Variants in CADPS2 observed in about 807,000 individuals in gnomAD.
CADPS2 encodes the protein calcium dependent secretion activator 2.
Under a neutral mutation model 172.5 loss-of-function variants are expected in CADPS2, and 93 were observed. The observed-to-expected ratio is 0.54, with a 90% CI of 0.46 to 0.64. The LOEUF (loss-of-function observed/expected upper bound fraction) is 0.64. Among genes scored for constraint, CADPS2 ranks in the 30% least tolerant of loss-of-function variants. CADPS2 has a pLI of 0.00. For missense variants in CADPS2, 1,420 were observed against 1,565.9 expected (o/e 0.91, Z 1.57); for synonymous variants, 546 against 555.2 (o/e 0.98, Z 0.23).
At chr7:122,412,100 C>T (rs1000535026) in intron 19 of CADPS2, among the ~76,000 whole-genome samples, 2 of 152,210 alleles carry the variant, frequency 1.3e-5, no homozygotes, top group South Asian at 2.1e-4. Context: ...TACACCTGAG[C>T]TGTATGCAAG....
chr7:122,577,915 T>A (rs972083588), intron 7 of CADPS2, among the ~76,000 whole-genome samples: 4 of 152,004 alleles, frequency 2.6e-5, no homozygotes, highest in African/African-American at 9.7e-5. Context: ...TTTTCAAATT[T>A]AAATGCTACC....
chr7:122,379,931 C>T (rs1043232908), intron 24 of CADPS2, among the ~76,000 whole-genome samples: 1 of 152,104 alleles, frequency 6.6e-6, no homozygotes, highest in Admixed American at 6.5e-5. Context: ...TTTGTCAGCA[C>T]AGGGAGCAGC....
intron 2 of CADPS2, among the ~76,000 whole-genome samples, chr7:122,707,679 G>A (rs1256654492): frequency 6.6e-6 from 1 of 151,666 alleles, no homozygotes; most frequent in African/African-American, 2.4e-5. Flanking sequence ...AACGAGATCT[G>A]AGGAAAACAG....
intron 17 of CADPS2, chr7:122,424,372 A>T (rs2048889903): frequency 4.1e-6 from 4 of 982,430 alleles, no homozygotes; most frequent in Non-Finnish European, 4.8e-6. Context: ...GCCTATGGCC[A>T]GCTGTTGAAC....
intron 2 of CADPS2, among the ~76,000 whole-genome samples, chr7:122,731,072 G>A (rs2091595319): frequency 6.7e-6 from 1 of 149,234 alleles, no homozygotes; most frequent in African/African-American, 2.5e-5. Flanking sequence ...GGTGGTGGGG[G>A]TGGGGGTGGC....
rs184914157 is a variant in CADPS2 at position 122,667,828 on chromosome 7, C to T, written c.454-4259G>A. 9.2e-5 allele frequency among the ~76,000 whole-genome samples: 14 copies of T among 152,020 alleles called. No individual in the cohort carries two copies. In the East Asian group the frequency reaches 1.4e-3, roughly 15 times the overall value. ...CTTCAAGAAAAAGAAAATAAAAGAA[C>T]AACAGCAATAAAGCACAAAAGAATA... On this transcript the variant is annotated intron_variant, in intron 2 of 29. Coordinates refer to ENST00000449022, the MANE Select transcript of CADPS2 (RefSeq NM_017954.11).
chr7:122,552,775 G>GTTTTT (rs61517518), intron 8 of CADPS2, among the ~76,000 whole-genome samples: 3 of 137,096 alleles, frequency 2.2e-5, no homozygotes, highest in Non-Finnish European at 3.1e-5. Flanking sequence ...ATAGGTTCCT[G>GTTTTT]TTTTTTTTTT....
At chr7:122,705,044 G>A (rs563840932) in intron 2 of CADPS2, among the ~76,000 whole-genome samples, 1 of 151,970 alleles carries the variant, frequency 6.6e-6, no homozygotes, top group Non-Finnish European at 1.5e-5. Context: ...GGGTGGTCAG[G>A]TATAAATTCT....
At position 122,525,925 on chromosome 7, in the gene CADPS2, G is replaced by A. The variant is rs1265663904; in HGVS notation, c.1476-12610C>T. ...TAAGCATATCTAAACATAGGCTACA[G>A]TAAAAAAGGTTATAATCTTATGGGA... On this transcript the variant is annotated intron_variant, in intron 8 of 29. Coordinates refer to ENST00000449022, the MANE Select transcript of CADPS2 (RefSeq NM_017954.11). Among the ~76,000 whole-genome samples, 6 of 152,208 alleles carry A rather than the reference G, an allele frequency of 3.9e-5. No homozygotes were observed. The East Asian group carries it at 1.2e-3, about 29-fold the overall frequency.
chr7:122,431,825 C>G (rs1033803925), intron 17 of CADPS2, among the ~76,000 whole-genome samples: 13 of 139,200 alleles, frequency 9.3e-5, no homozygotes, highest in Admixed American at 2.5e-4. Flanking sequence ...CCCGGCTCTA[C>G]TAAAAATACA....
chr7:122,752,599 T>C (rs897065614), intron 1 of CADPS2, among the ~76,000 whole-genome samples: 6 of 152,198 alleles, frequency 3.9e-5, no homozygotes, highest in Non-Finnish European at 8.8e-5. Flanking sequence ...ATAGATGTGA[T>C]AGTTTGTGGC....
chr7:122,694,024 T>A lies in CADPS2; in HGVS notation c.454-30455A>T, dbSNP rs541646479. ...TTTTTCAACAGAAGCAAAGATCTGG[T>A]TGACATCAGATAATAATAAATATTA... is the stretch of plus-strand genomic sequence containing the variant. On this transcript the variant is annotated intron_variant, in intron 2 of 29. Transcript: ENST00000449022. Among the ~76,000 whole-genome samples the A allele has an allele frequency of 1.6e-4, 24 of 152,302 alleles. No homozygotes were observed. The South Asian group carries it at 4.6e-3, about 29-fold the overall frequency.
chr7:122,555,401 C>T (rs1264204704), intron 7 of CADPS2, among the ~76,000 whole-genome samples: 1 of 152,014 alleles, frequency 6.6e-6, no homozygotes, highest in Non-Finnish European at 1.5e-5. Context: ...AGGTATTCTC[C>T]CCCTTTTAAA....
At chr7:122,553,918 T>C (rs1410886491) in intron 8 of CADPS2, among the ~76,000 whole-genome samples, 1 of 152,112 alleles carries the variant, frequency 6.6e-6, no homozygotes, top group African/African-American at 2.4e-5. Context: ...GCAATTCATT[T>C]TATTCAAGAG....
At position 122,321,467 on chromosome 7, in the gene CADPS2, C is replaced by T. The variant is rs950519754; in HGVS notation, c.3718-1129G>A. On this transcript the variant is annotated intron_variant, in intron 29 of 29. Transcript: ENST00000449022. ...ACAGGCCTGAGCCACTGTGCCTGGC[C>T]ATGTTTACTTTTTTCTTTTCTTTTT... 2.8e-4 allele frequency among the ~76,000 whole-genome samples: 43 copies of T among 152,094 alleles called. 2 individuals carry two copies. Among genetic ancestry groups the T allele is most frequent in the Non-Finnish European group, 7.4e-5 (5 of 68,008 alleles).
At chr7:122,451,516 C>T in intron 14 of CADPS2, 41 bp from the exon 15 acceptor site, 2 of 1,134,184 alleles carry the variant, frequency 1.8e-6, no homozygotes, top group Non-Finnish European at 1.3e-6. Context: ...ATTGATCGAA[C>T]ATTTACTTTT....
intron 11 of CADPS2, among the ~76,000 whole-genome samples, chr7:122,483,548 C>T (rs2057508980): frequency 1.3e-5 from 2 of 151,936 alleles, no homozygotes; most frequent in Non-Finnish European, 2.9e-5. Flanking sequence ...ATGTACATAA[C>T]ATGTACATAA....
At chr7:122,681,239 T>C in intron 2 of CADPS2, 2 of 716,710 alleles carry the variant, frequency 2.8e-6, no homozygotes, top group African/African-American at 3.5e-5. Flanking sequence ...GTAATGAACC[T>C]GCACAATGTG....
At chr7:122,515,330 C>T (rs2060277987) in intron 8 of CADPS2, among the ~76,000 whole-genome samples, 1 of 152,068 alleles carries the variant, frequency 6.6e-6, no homozygotes, top group African/African-American at 2.4e-5. Flanking sequence ...TCCACCTTTG[C>T]TCTAGCTTCT....
Sources: allele counts gnomAD v4.1 joint callset (sites outside exome capture counted in the v4.1 genomes callset), GRCh38; gene constraint gnomAD v4.1.1; transcripts MANE v1.5; gene names NCBI Gene and HGNC (gene_info 2026-07-23, HGNC 2026-07-21).